Variants in PDLIM3 observed in about 807,000 individuals in gnomAD.
PDLIM3 encodes PDZ and LIM domain 3.
A neutral mutation model predicts 37.3 loss-of-function variants in PDLIM3; 36 were observed. The ratio of observed to expected loss-of-function variants is 0.97; its 90% confidence interval spans 0.74 to 1.28. The LOEUF is 1.28. Ranked by LOEUF, PDLIM3 falls within the 50% of genes most tolerant of loss-of-function variation. PDLIM3 has a pLI of 0.00. For missense variants in PDLIM3, 454 were observed against 485.0 expected, an observed-to-expected ratio of 0.94 and a Z score of 0.60; for synonymous variants, 174 against 182.4, an observed-to-expected ratio of 0.95 and a Z score of 0.37.
At chr4:185,513,776 C>T in intron 4 of PDLIM3, 1 of 1,031,318 alleles carries the variant, frequency 9.7e-7, no homozygotes, top group Non-Finnish European at 1.2e-6. Flanking sequence ...GGTTGGAGTT[C>T]AATTTCTAGA....
intron 1 of PDLIM3, among the ~76,000 whole-genome samples, chr4:185,534,403 G>A (rs2095749854): frequency 6.6e-6 from 1 of 151,942 alleles, no homozygotes; most frequent in Admixed American, 6.5e-5. Context: ...ACGCCTTTAG[G>A]TATTAAATGT....
At chr4:185,529,198 T>C (rs1430402225) in intron 1 of PDLIM3, among the ~76,000 whole-genome samples, 6 of 152,224 alleles carry the variant, frequency 3.9e-5, no homozygotes, top group Non-Finnish European at 7.3e-5. Context: ...GCTCCAGTCC[T>C]ATTCCAGATG....
At chr4:185,513,438 C>A in intron 4 of PDLIM3, 2 of 933,316 alleles carry the variant, frequency 2.1e-6, no homozygotes, top group Non-Finnish European at 2.6e-6. Flanking sequence ...GAAAATGGGC[C>A]GTGTCTCACA....
intron 4 of PDLIM3, among the ~76,000 whole-genome samples, chr4:185,508,803 AT>A: frequency 6.6e-6 from 1 of 152,324 alleles, no homozygotes; most frequent in Non-Finnish European, 1.5e-5. Context: ...GTGATACTGC[AT>A]TTTTTGGCTC....
At chr4:185,516,934 C>T (rs2095715928) in intron 3 of PDLIM3, 1 of 152,176 alleles carries the variant, frequency 6.6e-6, no homozygotes, top group Non-Finnish European at 1.5e-5. Flanking sequence ...TTTTTTCCTT[C>T]ATAATAATGG....
At chr4:185,506,719 A>G in intron 5 of PDLIM3, 67 bp from the exon 6 acceptor site, 1 of 1,483,720 alleles carries the variant, frequency 6.7e-7, no homozygotes, top group South Asian at 1.1e-5. Context: ...AAGAGGCCAG[A>G]GACATCAATA....
Position 185,514,730 on chromosome 4 carries a change from C to G in PDLIM3, c.331-393G>C, listed in dbSNP as rs1195532688. The G allele has an allele frequency of 6.4e-7, 1 of 1,551,938 alleles. No individual in the cohort carries two copies. The highest frequency in any genetic ancestry group is 2.4e-5 in the East Asian group (1 of 40,930). ...TTGAGGTGAGCTAGGAATGAGACCCCGCAGCTGTCCGTGAAGCGCATCTTG... is the reference window on the plus strand; with the variant it reads ...TTGAGGTGAGCTAGGAATGAGACCCGGCAGCTGTCCGTGAAGCGCATCTTG... On this transcript the variant is annotated intron_variant, in intron 3 of 7. Transcript: ENST00000284767. The surrounding 1 kb of genome is among the most constrained non-coding windows in gnomAD (Gnocchi z 4.0).
At chr4:185,516,426 T>C (rs2153336284) in intron 3 of PDLIM3, 1 of 152,312 alleles carries the variant, frequency 6.6e-6, no homozygotes, top group East Asian at 1.9e-4. Flanking sequence ...TCATTTCAGA[T>C]AAGTTGTGGG....
chr4:185,520,749 C>G (rs73016252), intron 3 of PDLIM3, among the ~76,000 whole-genome samples: 15,703 of 65,288 alleles, frequency 0.24, 5,078 homozygotes, highest in African/African-American at 0.41. Context: ...TTAGTAAATA[C>G]TTGCTGAATT....
At chr4:185,508,086 C>T (rs2095700733) in intron 5 of PDLIM3, among the ~76,000 whole-genome samples, 1 of 152,106 alleles carries the variant, frequency 6.6e-6, no homozygotes, top group African/African-American at 2.4e-5. Flanking sequence ...TATCACCAAG[C>T]CTAGATATTT....
At chr4:185,531,516 C>A (rs2095744371) in intron 1 of PDLIM3, among the ~76,000 whole-genome samples, 1 of 152,150 alleles carries the variant, frequency 6.6e-6, no homozygotes, top group Non-Finnish European at 1.5e-5. Flanking sequence ...CAATTACGGG[C>A]ATGAGGGCCC....
intron 3 of PDLIM3, chr4:185,516,092 G>A (rs2095714478): frequency 6.6e-6 from 1 of 152,124 alleles, no homozygotes; most frequent in Admixed American, 6.6e-5. Context: ...GTAGAGACAG[G>A]GTTTCACCAC....
At chr4:185,525,795 A>G (rs1213363845) in intron 1 of PDLIM3, among the ~76,000 whole-genome samples, 1 of 152,204 alleles carries the variant, frequency 6.6e-6, no homozygotes, top group African/African-American at 2.4e-5. Flanking sequence ...CTTGCCTCCA[A>G]TAAGGAGGAA....
chr4:185,523,516 C>T lies in PDLIM3; in HGVS notation c.246-70G>A, dbSNP rs562903271. ...TTTCAGTTTTAGCATACTTTAGTTT[C>T]CCATTATGTTTGTGAAAATACTAGC... On this transcript the variant is annotated intron_variant, in intron 2 of 7. Transcript: ENST00000284767. 2.2e-4 allele frequency: 215 copies of T among 991,612 alleles called. 2 individuals are homozygous for T. The highest frequency in any genetic ancestry group is 3.1e-4 in the Non-Finnish European group (199 of 638,618). 61.4% of individuals were successfully genotyped at this position (991,612 alleles called of 1,614,324 possible).
intron 4 of PDLIM3, among the ~76,000 whole-genome samples, chr4:185,511,864 TATCAA>T (rs2095707104): frequency 6.6e-6 from 1 of 152,120 alleles, no homozygotes; most frequent in African/African-American, 2.4e-5. Flanking sequence ...TGTATGCATA[TATCAA>T]AACAGCACAC....
intron 1 of PDLIM3, among the ~76,000 whole-genome samples, chr4:185,534,085 C>T (rs562246204): frequency 6.6e-6 from 1 of 152,250 alleles, no homozygotes; most frequent in South Asian, 2.1e-4. Context: ...GAACAGTTTT[C>T]ATGTTTCATA....
intron 3 of PDLIM3, among the ~76,000 whole-genome samples, chr4:185,518,498 C>CAT (rs1434039529): frequency 6.6e-6 from 1 of 151,656 alleles, no homozygotes; most frequent in Non-Finnish European, 1.5e-5. Flanking sequence ...AAAATCAAAT[C>CAT]ATATATATAT....
At chr4:185,525,202 C>A (rs1474080378) in intron 1 of PDLIM3, 31 bp from the exon 2 acceptor site, 1 of 1,611,190 alleles carries the variant, frequency 6.2e-7, no homozygotes, top group Non-Finnish European at 8.5e-7. Context: ...ATTTAAAAAC[C>A]AACATCCCGC....
At position 185,535,496 on chromosome 4, in the gene PDLIM3, G is replaced by A. The variant is rs2095752427; in HGVS notation, c.-62C>T. On this transcript the variant is annotated 5_prime_UTR_variant, in exon 1 of 8. Coordinates refer to ENST00000284767, the MANE Select transcript of PDLIM3 (RefSeq NM_014476.6). ...CCGCGCAGGGCAGCCACTCCGCGCC[G>A]GGCGGCGTCCTGGCCCCGACCCGGG... The A allele has an allele frequency of 1.4e-6, 2 of 1,442,232 alleles. No individual in the cohort carries two copies. 89.3% of individuals were successfully genotyped at this position (1,442,232 alleles called of 1,614,324 possible).
Sources: allele counts gnomAD v4.1 joint callset (sites outside exome capture counted in the v4.1 genomes callset), GRCh38; gene constraint gnomAD v4.1.1; non-coding constraint Gnocchi (gnomAD v3.1); transcripts MANE v1.5; gene names NCBI Gene and HGNC (gene_info 2026-07-23, HGNC 2026-07-21).